Variants in DYNC2H1 observed in about 807,000 individuals in gnomAD.
The protein encoded by DYNC2H1 is cytoplasmic dynein 2 heavy chain 1.
In DYNC2H1, 410 loss-of-function variants were observed where a neutral mutation model predicts 570.0. The observed-to-expected ratio is 0.72, with a 90% CI of 0.66 to 0.78. DYNC2H1 has a LOEUF of 0.78. Among genes scored for constraint, DYNC2H1 ranks in the 30% least tolerant of loss-of-function variants. The probability of loss-of-function intolerance (pLI) is 0.00; values close to 1 mark genes in which losing one functional copy is unlikely to be tolerated. For missense variants in DYNC2H1, 4,865 were observed against 5,046.4 expected (o/e 0.96, Z 1.09); for synonymous variants, 1,688 against 1,677.6 (o/e 1.01, Z -0.15).
At chr11:103,138,125 G>T (rs1859678094) in intron 17 of DYNC2H1, among the ~76,000 whole-genome samples, 1 of 151,738 alleles carries the variant, frequency 6.6e-6, no homozygotes, top group Non-Finnish European at 1.5e-5. Context: ...AGGAGATTTT[G>T]GGCTGAGACA....
Position 103,283,047 on chromosome 11 carries a change from A to G in DYNC2H1, c.10852A>G (p.Ile3618Val). The G allele has an allele frequency of 6.2e-7, 1 of 1,608,928 alleles. No homozygotes were observed. The highest frequency in any genetic ancestry group is 8.5e-7 in the Non-Finnish European group (1 of 1,177,236). The part of the protein sequence containing the change: ...QKIRDQLPSW[I>V]DQERSWAVAT... Reference sequence around the variant, plus strand: ...AATACGTGATCAGCTTCCGTCTTGGATAGATCAGGAACGAAGCTGGGCCGT... The same window carrying G: ...AATACGTGATCAGCTTCCGTCTTGGGTAGATCAGGAACGAAGCTGGGCCGT... The change falls in exon 73 of 89, where the codon ATA becomes GTA. Residue 3618 changes from isoleucine to valine, a missense_variant. Around this residue, in one of 5 missense-constraint regions of DYNC2H1, gnomAD observed 2,401 missense variants for 2,454.6 expected, o/e 0.98. Coordinates refer to ENST00000375735, the MANE Select transcript of DYNC2H1 (RefSeq NM_001377.3).
At position 103,181,979 on chromosome 11, in the gene DYNC2H1, G is replaced by A. The variant is rs1861868784; in HGVS notation, c.6477+93G>A. On this transcript the variant is annotated intron_variant, in intron 40 of 88. Transcript: ENST00000375735. This position sits in a 1 kb window ranked among gnomAD's most constrained non-coding sequence, Gnocchi z 5.0. ...AACTTCCTTGTGGTAGAACTCTGCTGGAATGTGGGTGTGAGGTGAGAGGTG... is the reference window on the plus strand; with the variant it reads ...AACTTCCTTGTGGTAGAACTCTGCTAGAATGTGGGTGTGAGGTGAGAGGTG... The A allele has an allele frequency of 7.2e-7, 1 of 1,398,088 alleles. No individual in the cohort carries two copies. Among genetic ancestry groups the A allele is most frequent in the Non-Finnish European group, 9.7e-7 (1 of 1,029,988 alleles). The allele number at this position is 1,398,088 out of a possible 1,614,324, so 86.6% of individuals were successfully genotyped here. A position where few individuals can be genotyped will look rare whatever the true frequency, so the allele number is the denominator to read the frequency against.
intron 17 of DYNC2H1, 108 bp downstream of exon 17, chr11:103,136,056 A>T: frequency 1.1e-6 from 1 of 902,268 alleles, no homozygotes; most frequent in Non-Finnish European, 1.5e-6. Context: ...CATAACATTA[A>T]AATATGGCAA....
At chr11:103,390,188 G>A (rs1244280658) in intron 83 of DYNC2H1, among the ~76,000 whole-genome samples, 2 of 152,118 alleles carry the variant, frequency 1.3e-5, no homozygotes. Context: ...CTGCTGTATT[G>A]GGTGCATATA....
rs751945469 is a variant in DYNC2H1 at position 103,205,026 on chromosome 11, C to A, written c.8454+62C>A. Reference sequence around the variant, plus strand: ...TTTTATTTTTGAAGTTATTGATTTTCACAACTTCTCTTTGGTGTTGGTTAT... The same window carrying A: ...TTTTATTTTTGAAGTTATTGATTTTAACAACTTCTCTTTGGTGTTGGTTAT... On this transcript the variant is annotated intron_variant, in intron 52 of 88. Transcript: ENST00000375735. This position sits in a 1 kb window ranked among gnomAD's most constrained non-coding sequence, Gnocchi z 4.5. The A allele has an allele frequency of 3.3e-5, 48 of 1,456,220 alleles. No homozygotes were observed. The highest frequency in any genetic ancestry group is 4.5e-5 in the Non-Finnish European group (48 of 1,077,280). 90.2% of individuals were successfully genotyped at this position (1,456,220 alleles called of 1,614,324 possible).
intron 82 of DYNC2H1, among the ~76,000 whole-genome samples, chr11:103,337,884 A>C (rs1939228993): frequency 1.3e-5 from 2 of 152,140 alleles, no homozygotes; most frequent in East Asian, 1.9e-4. Context: ...TTAGCTTGAC[A>C]TGATCCCATT....
chr11:103,182,541 G>GA (rs1384707772), intron 40 of DYNC2H1, among the ~76,000 whole-genome samples: 1 of 151,802 alleles, frequency 6.6e-6, no homozygotes, highest in African/African-American at 2.4e-5. Flanking sequence ...GGAGAAAAAT[G>GA]ACATGCAAAC....
At chr11:103,233,870 GTGTGTGT>G (rs1396545602) in intron 60 of DYNC2H1, among the ~76,000 whole-genome samples, 157 bp from the exon 61 acceptor site, 6 of 92,868 alleles carry the variant, frequency 6.5e-5, no homozygotes, top group African/African-American at 1.7e-4. Flanking sequence ...GTGTGTGTGT[GTGTGTGT>G]GGGTTTGTCT....
At chr11:103,116,457 A>G (rs1338414034) in intron 4 of DYNC2H1, 113 bp from the exon 5 acceptor site, 6 of 720,640 alleles carry the variant, frequency 8.3e-6, no homozygotes, top group Non-Finnish European at 1.2e-5. Context: ...GGAGGAGAAA[A>G]TAATATGGCA....
Position 103,241,619 on chromosome 11 carries a change from C to A in DYNC2H1, c.9820-2074C>A. Reference sequence around the variant, plus strand: ...AAAATGCAGAATTGTGAAATGTGTGCTATTGAATGCTAGCATAAAATTAGA... The same window carrying A: ...AAAATGCAGAATTGTGAAATGTGTGATATTGAATGCTAGCATAAAATTAGA... On this transcript the variant is annotated intron_variant, in intron 63 of 88. Transcript: ENST00000375735. The surrounding 1 kb of genome is among the most constrained non-coding windows in gnomAD (Gnocchi z 5.1). 1 of 1,262,822 alleles carries A rather than the reference C, an allele frequency of 7.9e-7. No homozygotes were observed. Among genetic ancestry groups the A allele is most frequent in the Non-Finnish European group, 1.1e-6 (1 of 900,586 alleles). The allele number at this position is 1,262,822 out of a possible 1,614,324, so 78.2% of individuals were successfully genotyped here.
At chr11:103,154,663 A>C in intron 23 of DYNC2H1, 32 bp from the exon 24 acceptor site, 2 of 1,566,082 alleles carry the variant, frequency 1.3e-6, no homozygotes. Context: ...TTTTGGATGT[A>C]ATCTTTGCAA....
rs770371105 is a variant in DYNC2H1, at chr11:103,121,355, T to C, written c.1361-17T>C. ...TGCTAATTCTTTGTAATCATTTATT[T>C]GATTTAAATTTTATAGATTTTCGAT... On this transcript the variant is annotated splice_polypyrimidine_tract_variant and intron_variant, in intron 9 of 88. Coordinates refer to ENST00000375735, the MANE Select transcript of DYNC2H1 (RefSeq NM_001377.3). 3.8e-6 allele frequency: 6 copies of C among 1,575,254 alleles called. No homozygotes were observed. The highest frequency in any genetic ancestry group is 3.7e-5 in the Admixed American group (2 of 53,928).
intron 84 of DYNC2H1, among the ~76,000 whole-genome samples, chr11:103,429,533 A>G (rs1484658328): frequency 1.3e-5 from 2 of 152,176 alleles, no homozygotes; most frequent in East Asian, 3.9e-4. Context: ...TGTTAAGATT[A>G]AACTACAATC....
At chr11:103,187,701 T>C in intron 43 of DYNC2H1, 115 bp downstream of exon 43, 2 of 1,301,470 alleles carry the variant, frequency 1.5e-6, no homozygotes, top group African/African-American at 1.5e-5. Flanking sequence ...GCATTTGTCA[T>C]GGAAATTAAA....
Position 103,223,695 on chromosome 11 carries a change from T to C in DYNC2H1, c.9353+609T>C, listed in dbSNP as rs115089380. Among the ~76,000 whole-genome samples, 768 of 151,810 alleles carry C rather than the reference T, an allele frequency of 5.1e-3. 5 individuals are homozygous for C. The highest frequency in any genetic ancestry group is 0.018 in the African/African-American group (729 of 41,384). On this transcript the variant is annotated intron_variant, in intron 59 of 88. Coordinates refer to ENST00000375735, the MANE Select transcript of DYNC2H1 (RefSeq NM_001377.3). The stretch of plus-strand genomic sequence containing the variant: ...ACCACCACGCCTGGCCAAGGAATAA[T>C]GTTAAAGTACGAAAGGAAAGCTTTG...
intron 85 of DYNC2H1, among the ~76,000 whole-genome samples, chr11:103,454,725 C>T (rs867815390): frequency 2.4e-4 from 37 of 152,084 alleles, no homozygotes; most frequent in African/African-American, 8.9e-4. Flanking sequence ...TTTAAAAACA[C>T]CTTTTAACAC....
intron 75 of DYNC2H1, among the ~76,000 whole-genome samples, chr11:103,293,222 A>C (rs1866684343): frequency 6.6e-6 from 1 of 151,912 alleles, no homozygotes; most frequent in Admixed American, 6.6e-5. Flanking sequence ...TTTTGCCTTT[A>C]GCACTCTGGA....
rs946136526 is a variant in DYNC2H1, at chr11:103,228,250, G to A, written c.9354-3010G>A. Reference sequence around the variant, plus strand: ...TGAGCTGGTATAATATTTTGGGGGTGTTAAAGAACCTTGTTTTGTCATATT... The same window carrying A: ...TGAGCTGGTATAATATTTTGGGGGTATTAAAGAACCTTGTTTTGTCATATT... On this transcript the variant is annotated intron_variant, in intron 59 of 88. Coordinates refer to ENST00000375735, the MANE Select transcript of DYNC2H1 (RefSeq NM_001377.3). This position sits in a 1 kb window ranked among gnomAD's most constrained non-coding sequence, Gnocchi z 6.1. Among the ~76,000 whole-genome samples, 23 of 152,230 alleles carry A rather than the reference G, an allele frequency of 1.5e-4. No homozygotes were observed. Among genetic ancestry groups the A allele is most frequent in the Middle Eastern group, 3.4e-3 (1 of 294 alleles).
At chr11:103,113,797 TTAG>T in intron 2 of DYNC2H1, 90 bp downstream of exon 2, 1 of 1,009,162 alleles carries the variant, frequency 9.9e-7, no homozygotes. Context: ...ACTGTTAATG[TTAG>T]TAGTGTTTTA....
Sources: gnomAD v4.1 joint callset for allele counts (sites outside exome capture counted in the v4.1 genomes callset) on GRCh38, gnomAD v4.1.1 for gene constraint, gnomAD v4.1.1 regional missense constraint, Gnocchi (gnomAD v3.1) non-coding constraint, MANE v1.5 for transcripts, NCBI Gene and HGNC (gene_info 2026-07-23, HGNC 2026-07-21) for gene names.